Variants in IMMP2L observed in about 807,000 individuals in gnomAD.
IMMP2L encodes inner mitochondrial membrane peptidase subunit 2.
In IMMP2L, 18 loss-of-function variants were observed where a neutral mutation model predicts 19.3. That is an observed-to-expected ratio of 0.93 (90% CI 0.64 to 1.38). IMMP2L has a LOEUF of 1.38. Ranked by LOEUF, IMMP2L falls within the 40% of genes most tolerant of loss-of-function variation. IMMP2L has a pLI of 0.00. For missense variants in IMMP2L, 233 were observed against 218.2 expected (o/e 1.07, Z -0.43); for synonymous variants, 76 against 73.0 (o/e 1.04, Z -0.21).
chr7:111,320,859 C>T (rs1214323804), intron 3 of IMMP2L, among the ~76,000 whole-genome samples: 1 of 151,942 alleles, frequency 6.6e-6, no homozygotes, highest in African/African-American at 2.4e-5. Context: ...CTTTGTTCTT[C>T]CTCCCCCAAT....
intron 5 of IMMP2L, among the ~76,000 whole-genome samples, chr7:110,699,951 AG>A (rs1206977577): frequency 1.3e-5 from 2 of 152,276 alleles, no homozygotes; most frequent in African/African-American, 4.8e-5. Flanking sequence ...GACTGTAAAA[AG>A]CCAGGGCCCT....
chr7:110,904,492 T>C (rs746065988), intron 4 of IMMP2L, among the ~76,000 whole-genome samples: 11 of 152,196 alleles, frequency 7.2e-5, no homozygotes, highest in Admixed American at 5.2e-4. Flanking sequence ...CCCAACACCA[T>C]TTGTTGAAGA....
intron 3 of IMMP2L, among the ~76,000 whole-genome samples, chr7:111,428,339 G>A (rs967180451): frequency 6.6e-6 from 1 of 151,598 alleles, no homozygotes; most frequent in Non-Finnish European, 1.5e-5. Context: ...AAGAGAAATA[G>A]GGGGTTTCAA....
intron 3 of IMMP2L, among the ~76,000 whole-genome samples, chr7:110,972,099 A>G (rs1820199005): frequency 6.6e-6 from 1 of 151,612 alleles, no homozygotes. Context: ...CACACAATTT[A>G]CTCCTTTGAA....
At chr7:110,846,366 T>TTG (rs57345040) in intron 5 of IMMP2L, among the ~76,000 whole-genome samples, 3,963 of 113,160 alleles carry the variant, frequency 0.035, 172 homozygotes, top group African/African-American at 0.13. Flanking sequence ...TTTTTTTTTT[T>TTG]TTGTTGTTGT....
In IMMP2L at chr7:111,422,502, T is replaced by C. The variant is rs188984040; in HGVS notation, c.239+64736A>G. ...GTAGCAATTGTGAATGGGAGATCAT[T>C]CATGATTTGGCTCTCTGTTTGTTAA... On this transcript the variant is annotated intron_variant, in intron 3 of 5. Coordinates refer to ENST00000405709, the MANE Select transcript of IMMP2L (RefSeq NM_032549.4). Among the ~76,000 whole-genome samples the C allele has an allele frequency of 2.0e-3, 299 of 151,944 alleles. 4 individuals are homozygous for C. The highest frequency in any genetic ancestry group is 0.018 in the Admixed American group (281 of 15,276).
chr7:110,829,350 C>T lies in IMMP2L; in HGVS notation c.408+57243G>A, dbSNP rs1377949074. On this transcript the variant is annotated intron_variant, in intron 5 of 5. Transcript: ENST00000405709. ...GGAGTGGGATATAACAGCTTAACAG[C>T]TTCAAAGCACTTTACATTTGGAAAT... Among the ~76,000 whole-genome samples the T allele has an allele frequency of 1.3e-5, 2 of 152,130 alleles. 1 individual carries two copies. The highest frequency in any genetic ancestry group is 4.8e-5 in the African/African-American group (2 of 41,446).
chr7:111,025,645 G>C (rs566799318), intron 3 of IMMP2L, among the ~76,000 whole-genome samples: 7 of 152,088 alleles, frequency 4.6e-5, no homozygotes. Context: ...CTAATTACAA[G>C]ACAGTCCTCT....
At chr7:111,075,100 A>G (rs921119134) in intron 3 of IMMP2L, among the ~76,000 whole-genome samples, 9 of 148,232 alleles carry the variant, frequency 6.1e-5, no homozygotes, top group Non-Finnish European at 1.3e-4. Context: ...TATATTTTAA[A>G]TAGCTTGTTT....
chr7:110,959,111 T>C (rs2129555083), intron 4 of IMMP2L, among the ~76,000 whole-genome samples: 1 of 152,000 alleles, frequency 6.6e-6, no homozygotes, highest in Non-Finnish European at 1.5e-5. Context: ...CTTCAAGGGG[T>C]CTAACCTCAA....
chr7:111,004,286 T>TC (rs1661424432), intron 3 of IMMP2L, among the ~76,000 whole-genome samples: 1 of 152,112 alleles, frequency 6.6e-6, no homozygotes. Context: ...CAAGTGATCC[T>TC]CCCCCGCTCA....
At chr7:110,774,530 T>A (rs1333237939) in intron 5 of IMMP2L, among the ~76,000 whole-genome samples, 1 of 152,106 alleles carries the variant, frequency 6.6e-6, no homozygotes. Flanking sequence ...GGAAGTTCAA[T>A]TTAAATATAG....
intron 3 of IMMP2L, among the ~76,000 whole-genome samples, chr7:111,048,274 G>GA (rs1421261292): frequency 3.2e-5 from 4 of 126,850 alleles, no homozygotes; most frequent in African/African-American, 1.3e-4. Context: ...AAGAAAAAAA[G>GA]AAAAAAGAAA....
intron 3 of IMMP2L, among the ~76,000 whole-genome samples, chr7:111,085,148 G>C (rs1470410775): frequency 1.3e-5 from 2 of 151,342 alleles, no homozygotes; most frequent in Non-Finnish European, 1.5e-5. Flanking sequence ...AAAAAAATTT[G>C]TCTCATTGAT....
At chr7:111,445,068 C>G (rs1304889494) in intron 3 of IMMP2L, among the ~76,000 whole-genome samples, 1 of 152,016 alleles carries the variant, frequency 6.6e-6, no homozygotes, top group Admixed American at 6.5e-5. Flanking sequence ...ATTGCTAGAT[C>G]TAAACGTCCA....
At chr7:111,512,484 T>C (rs928792835) in intron 2 of IMMP2L, among the ~76,000 whole-genome samples, 101 of 151,978 alleles carry the variant, frequency 6.6e-4, no homozygotes, top group African/African-American at 2.1e-3. Context: ...ATACTATTTA[T>C]TGATATTTTA....
chr7:110,696,560 G>A (rs1793903681), intron 5 of IMMP2L, among the ~76,000 whole-genome samples: 2 of 151,668 alleles, frequency 1.3e-5, no homozygotes, highest in African/African-American at 2.4e-5. Flanking sequence ...CTGAGTAGGT[G>A]GGATTACAGG....
intron 3 of IMMP2L, among the ~76,000 whole-genome samples, chr7:111,115,240 C>T (rs1404416118): frequency 6.6e-6 from 1 of 152,078 alleles, no homozygotes; most frequent in Admixed American, 6.6e-5. Flanking sequence ...AATTAGAATT[C>T]CCCAGTATAT....
chr7:111,188,451 T>C (rs1276448837), intron 3 of IMMP2L, among the ~76,000 whole-genome samples: 2 of 151,986 alleles, frequency 1.3e-5, no homozygotes, highest in Non-Finnish European at 2.9e-5. Flanking sequence ...TGTTCTGGAG[T>C]CCCTTTTATA....
Sources: allele counts gnomAD v4.1 joint callset (sites outside exome capture counted in the v4.1 genomes callset), GRCh38; gene constraint gnomAD v4.1.1; transcripts MANE v1.5; gene names NCBI Gene and HGNC (gene_info 2026-07-23, HGNC 2026-07-21).